The following GALC variants were observed in gnomAD, a reference collection of about 807,000 sequenced individuals.
GALC encodes galactosylceramidase, also known as galactocerebrosidase.
A neutral mutation model predicts 91.8 loss-of-function variants in GALC; 77 were observed. The ratio of observed to expected loss-of-function variants is 0.84; its 90% CI spans 0.70 to 1.01. The LOEUF (loss-of-function observed/expected upper bound fraction) is 1.01. Among genes scored for constraint, GALC ranks in the 50% least tolerant of loss-of-function variants. GALC has a pLI of 0.00. For synonymous variants in GALC, 357 were observed against 306.7 expected (o/e 1.16, Z -1.71); for missense variants, 882 against 855.9 (o/e 1.03, Z -0.38).
chr14:87,965,574 A>G lies in GALC; in HGVS notation c.964T>C (p.Cys322Arg). The change falls in exon 9 of 17, where the codon TGC becomes CGC. Residue 322 changes from cysteine to arginine, a missense_variant. By Grantham distance (180) the Cys-to-Arg change is radical. Transcript: ENST00000261304. ...SYYEQLPYGR[C>R]GLMTAQEPWS... Reference sequence around the variant, plus strand: ...GGCTCCTGGGCCGTCATCAACCCGCATCTCCCATAAGGCAACTGTTCATAG... The same window carrying G: ...GGCTCCTGGGCCGTCATCAACCCGCGTCTCCCATAAGGCAACTGTTCATAG... 6.2e-7 allele frequency: 1 copy of G among 1,613,524 alleles called. No homozygotes were observed. Among genetic ancestry groups the G allele is most frequent in the Non-Finnish European group, 8.5e-7 (1 of 1,179,606 alleles).
chr14:87,945,087 GCTGA>G (rs1885010074), intron 14 of GALC, among the ~76,000 whole-genome samples: 1 of 150,464 alleles, frequency 6.6e-6, no homozygotes, highest in Non-Finnish European at 1.5e-5. Flanking sequence ...GGCGACTAAA[GCTGA>G]TTAGCTTTTT....
chr14:87,945,805 G>T, intron 13 of GALC, 72 bp from the exon 14 acceptor site: 1 of 1,183,798 alleles, frequency 8.4e-7, no homozygotes, highest in South Asian at 1.2e-5. Context: ...ATATTTTATA[G>T]TATGTCTGAA....
chr14:87,943,751 A>G (rs1181730427), intron 14 of GALC, among the ~76,000 whole-genome samples: 1 of 152,038 alleles, frequency 6.6e-6, no homozygotes, highest in African/African-American at 2.4e-5. Context: ...TTTTCCCACA[A>G]TAAGTGGGCA....
Position 87,965,500 on chromosome 14 carries a change from CATACCTG to C in GALC, c.1031_1033+4del. ...TAGGGAGTGAGAGATGGAACTGAAC[CATACCTG>C]ATACCCAGACAGGAGATTCTACCAC... is the stretch of plus-strand genomic sequence containing the variant. On this transcript the variant is annotated splice_donor_variant and splice_donor_region_variant and coding_sequence_variant and intron_variant, in exon 9 of 17. Transcript: ENST00000261304. LOFTEE classifies it high-confidence loss of function. 1 of 1,613,276 alleles carries C rather than the reference CATACCTG, an allele frequency of 6.2e-7. No individual in the cohort carries two copies. Among genetic ancestry groups the C allele is most frequent in the African/African-American group, 1.3e-5 (1 of 74,960 alleles).
At chr14:87,979,160 G>C (rs1458156398) in intron 6 of GALC, among the ~76,000 whole-genome samples, 1 of 152,102 alleles carries the variant, frequency 6.6e-6, no homozygotes, top group Middle Eastern at 3.2e-3. Flanking sequence ...AAGTAGATGG[G>C]ATTACAGGCG....
chr14:87,989,892 C>T (rs758947844), intron 1 of GALC, among the ~76,000 whole-genome samples: 3 of 152,186 alleles, frequency 2.0e-5, no homozygotes, highest in Non-Finnish European at 4.4e-5. Flanking sequence ...AATTATTTGG[C>T]TCCTAACCCT....
chr14:87,952,995 G>T, intron 10 of GALC: 2 of 1,041,184 alleles, frequency 1.9e-6, no homozygotes, highest in South Asian at 2.5e-5. Flanking sequence ...GTTTCAGTTA[G>T]ACCACAAATG....
In GALC at chr14:87,988,669, C is replaced by T. The variant is rs1286315968; in HGVS notation, c.196-146G>A. The T allele has an allele frequency of 5.6e-6, 4 of 708,430 alleles. No individual in the cohort carries two copies. In the East Asian group the frequency reaches 1.0e-4, roughly 18 times the overall value. 43.9% of individuals were successfully genotyped at this position (708,430 alleles called of 1,614,324 possible). On this transcript the variant is annotated intron_variant, in intron 1 of 16. Coordinates refer to ENST00000261304, the MANE Select transcript of GALC (RefSeq NM_000153.4). ...GAAAAGTTCCTCACAAGTTGTCTGTCTGCCCTTTCTGTGCCAATCATTGGG... is the reference window on the plus strand; with the variant it reads ...GAAAAGTTCCTCACAAGTTGTCTGTTTGCCCTTTCTGTGCCAATCATTGGG...
intron 14 of GALC, among the ~76,000 whole-genome samples, chr14:87,944,138 T>C (rs1884971494): frequency 6.6e-6 from 1 of 151,988 alleles, no homozygotes; most frequent in Non-Finnish European, 1.5e-5. Context: ...AAACTGAGTA[T>C]TGCTATTTAA....
chr14:87,985,435 T>C (rs1431983906), intron 4 of GALC, among the ~76,000 whole-genome samples: 1 of 152,198 alleles, frequency 6.6e-6, no homozygotes, highest in African/African-American at 2.4e-5. Flanking sequence ...CTACCAAGTC[T>C]TTGTTAGGAC....
chr14:87,977,209 G>A (rs117778022), intron 6 of GALC, among the ~76,000 whole-genome samples: 2,559 of 151,952 alleles, frequency 0.017, 39 homozygotes, highest in Middle Eastern at 0.031. Context: ...TATTTTCCAC[G>A]GTCTTCAAAT....
chr14:87,984,151 A>AAAAC (rs1555383470), intron 5 of GALC, among the ~76,000 whole-genome samples: 1 of 148,932 alleles, frequency 6.7e-6, no homozygotes, highest in African/African-American at 2.4e-5. Context: ...AAAAAAAAAA[A>AAAAC]AACCCAGCTC....
intron 14 of GALC, among the ~76,000 whole-genome samples, chr14:87,943,574 G>A (rs142650135): frequency 2.6e-5 from 4 of 152,078 alleles, no homozygotes; most frequent in East Asian, 1.9e-4. Flanking sequence ...ACACAGACCC[G>A]GCTTCTAGCC....
chr14:87,976,521 A>T, intron 6 of GALC, 33 bp from the exon 7 acceptor site: 1 of 1,567,618 alleles, frequency 6.4e-7, no homozygotes, highest in Non-Finnish European at 8.8e-7. Context: ...ATATGAAAGG[A>T]TACAAATGAA....
intron 10 of GALC, chr14:87,954,138 G>C: frequency 3.1e-6 from 5 of 1,607,840 alleles, no homozygotes; most frequent in Non-Finnish European, 1.7e-6. Context: ...TGTAGTTAGT[G>C]ATGTTGTACT....
chr14:87,951,272 C>G (rs1471888802), intron 10 of GALC, among the ~76,000 whole-genome samples: 2 of 151,814 alleles, frequency 1.3e-5, no homozygotes, highest in South Asian at 2.1e-4. Flanking sequence ...ATAGTCACAA[C>G]TATGGGCTGG....
Position 87,965,505 on chromosome 14 carries a change from C to G in GALC, c.1033G>C (p.Ala345Pro). 1 of 1,613,338 alleles carries G rather than the reference C, an allele frequency of 6.2e-7. No individual in the cohort carries two copies. The change falls in exon 9 of 17, where the codon GCT becomes CCT. Residue 345 changes from alanine to proline, a missense_variant and splice_region_variant. By Grantham distance (27) the Ala-to-Pro change is conservative. Transcript: ENST00000261304. The part of the protein sequence containing the change: ...YVVESPVWVS[A>P]HTTQFTQPGW... ...AGTGAGAGATGGAACTGAACCATAC[C>G]TGATACCCAGACAGGAGATTCTACC... is the stretch of plus-strand genomic sequence containing the variant.
At chr14:87,952,484 C>G (rs1885352422) in intron 10 of GALC, 1 of 585,090 alleles carries the variant, frequency 1.7e-6, no homozygotes, top group African/African-American at 1.9e-5. Context: ...AGCTAAACCA[C>G]AACCCTGCCT....
intron 16 of GALC, among the ~76,000 whole-genome samples, chr14:87,936,916 A>ATT (rs1555378211): frequency 7.2e-6 from 1 of 139,572 alleles, no homozygotes; most frequent in African/African-American, 2.8e-5. Context: ...ATATATATTT[A>ATT]TTTATTTTCT....
Sources: allele counts gnomAD v4.1 joint callset (sites outside exome capture counted in the v4.1 genomes callset), GRCh38; gene constraint gnomAD v4.1.1; transcripts MANE v1.5; gene names NCBI Gene and HGNC (gene_info 2026-07-23, HGNC 2026-07-21).